Variants in CDH4 observed in about 807,000 individuals in gnomAD.
CDH4 encodes cadherin-4.
Under a neutral mutation model 86.0 loss-of-function variants are expected in CDH4, and 33 were observed. The observed-to-expected ratio is 0.38, with a 90% confidence interval of 0.29 to 0.51. CDH4 has a LOEUF of 0.51. Ranked by LOEUF, CDH4 falls within the 20% of genes least tolerant of loss-of-function variation. CDH4 has a pLI of 0.86. For synonymous variants in CDH4, 555 were observed against 549.4 expected (o/e 1.01, Z -0.14); for missense variants, 1,114 against 1,307.4 (o/e 0.85, Z 2.28).
At chr20:61,472,319 C>G (rs1195163059) in intron 2 of CDH4, among the ~76,000 whole-genome samples, 1 of 152,174 alleles carries the variant, frequency 6.6e-6, no homozygotes, top group Non-Finnish European at 1.5e-5. Flanking sequence ...ATAAGTGTAG[C>G]TACTCTTGCT....
intron 4 of CDH4, among the ~76,000 whole-genome samples, chr20:61,834,341 C>T (rs968279650): frequency 5.3e-5 from 8 of 152,210 alleles, no homozygotes; most frequent in Non-Finnish European, 8.8e-5. Flanking sequence ...GGTCTGGCCT[C>T]CATCTTTTCT....
At chr20:61,911,645 C>CGT (rs1568883129) in intron 9 of CDH4, among the ~76,000 whole-genome samples, 3 of 151,464 alleles carry the variant, frequency 2.0e-5, no homozygotes, top group African/African-American at 7.3e-5. Context: ...TATGCCAAAG[C>CGT]ATAAGGAAAA....
At position 61,252,933 on chromosome 20, in the gene CDH4, T is replaced by G. The variant is rs1233312727; in HGVS notation, c.57+363T>G. 1.3e-5 allele frequency among the ~76,000 whole-genome samples: 2 copies of G among 151,566 alleles called. No homozygotes were observed. Among genetic ancestry groups the G allele is most frequent in the Non-Finnish European group, 2.9e-5 (2 of 67,824 alleles). On this transcript the variant is annotated intron_variant, in intron 1 of 15. Transcript: ENST00000614565. The surrounding 1 kb of genome is among the most constrained non-coding windows in gnomAD (Gnocchi z 4.4). ...TTCCACTGGCGGAGCCGGCGCGCCC[T>G]CCATCGCCCGGGAGCCGCGCGCCGC... is the stretch of plus-strand genomic sequence containing the variant.
rs371764682 is a variant in CDH4 at position 61,877,144 on chromosome 20, C to T, written c.1050+3244C>T. ...GTCAAGGCCCGTGATAGGGACAGTG[C>T]CCAGCCTCCTGGGCTCAGCTCCCCC... On this transcript the variant is annotated intron_variant, in intron 7 of 15. Transcript: ENST00000614565. Among the ~76,000 whole-genome samples the T allele has an allele frequency of 1.1e-4, 16 of 152,284 alleles. No homozygotes were observed. In the South Asian group the frequency reaches 3.3e-3, roughly 32 times the overall value.
chr20:61,279,592 A>G (rs894593612), intron 2 of CDH4, among the ~76,000 whole-genome samples: 4 of 152,232 alleles, frequency 2.6e-5, no homozygotes, highest in Admixed American at 2.0e-4. Flanking sequence ...GGTCACCCTC[A>G]GTGTCCCCAG....
chr20:61,763,569 C>T (rs2088663635), intron 3 of CDH4, among the ~76,000 whole-genome samples: 1 of 152,214 alleles, frequency 6.6e-6, no homozygotes, highest in Admixed American at 6.5e-5. Context: ...CTATCTGCAT[C>T]TCTACCACAA....
rs374554829 is a variant in CDH4 at position 61,590,618 on chromosome 20, G to A, written c.170-152945G>A. ...GAGGAGAGGGGGCTGGACAGGGCCTGGAACCTTCCCTCTGCCAGGCTCTGA... is the reference window on the plus strand; with the variant it reads ...GAGGAGAGGGGGCTGGACAGGGCCTAGAACCTTCCCTCTGCCAGGCTCTGA... On this transcript the variant is annotated intron_variant, in intron 2 of 15. Coordinates refer to ENST00000614565, the MANE Select transcript of CDH4 (RefSeq NM_001794.5). Among the ~76,000 whole-genome samples, 12 of 152,328 alleles carry A rather than the reference G, an allele frequency of 7.9e-5. No individual in the cohort carries two copies. The East Asian group carries it at 9.7e-4, about 12-fold the overall frequency.
At chr20:61,446,003 T>C (rs1472145075) in intron 2 of CDH4, among the ~76,000 whole-genome samples, 2 of 152,342 alleles carry the variant, frequency 1.3e-5, no homozygotes, top group East Asian at 1.9e-4. Context: ...CACATGGCAG[T>C]GAAACTGAAA....
intron 8 of CDH4, among the ~76,000 whole-genome samples, chr20:61,903,877 G>A (rs552127227): frequency 4.9e-4 from 74 of 152,332 alleles, no homozygotes; most frequent in Middle Eastern, 3.4e-3. Flanking sequence ...GTTTCCCTGG[G>A]GTTGTCACCA....
At chr20:61,602,944 C>T (rs2086614316) in intron 2 of CDH4, among the ~76,000 whole-genome samples, 1 of 152,190 alleles carries the variant, frequency 6.6e-6, no homozygotes, top group Non-Finnish European at 1.5e-5. Context: ...ACCTGAGGCC[C>T]CCTCCCTGGA....
intron 2 of CDH4, among the ~76,000 whole-genome samples, chr20:61,307,814 G>T (rs1320334701): frequency 6.6e-6 from 1 of 152,208 alleles, no homozygotes; most frequent in Admixed American, 6.5e-5. Flanking sequence ...GCATGGGAAG[G>T]TGTAAGGGAT....
intron 4 of CDH4, among the ~76,000 whole-genome samples, chr20:61,839,591 G>A (rs1039005296): frequency 5.3e-5 from 8 of 151,456 alleles, no homozygotes; most frequent in Admixed American, 1.3e-4. Context: ...ACGTGTGTAT[G>A]TGTATTGAGT....
intron 12 of CDH4, 134 bp from the exon 13 acceptor site, chr20:61,929,475 A>C (rs928003610): frequency 2.3e-5 from 15 of 658,936 alleles, no homozygotes; most frequent in African/African-American, 2.2e-4. Flanking sequence ...GCACAGGTGT[A>C]TGTATGTATG....
At chr20:61,519,947 G>T (rs1215610387) in intron 2 of CDH4, among the ~76,000 whole-genome samples, 1 of 152,150 alleles carries the variant, frequency 6.6e-6, no homozygotes. Context: ...CAACTGCTGG[G>T]CCACATGGGC....
intron 3 of CDH4, among the ~76,000 whole-genome samples, chr20:61,750,137 G>T (rs890070267): frequency 4.6e-5 from 7 of 152,044 alleles, no homozygotes; most frequent in African/African-American, 1.7e-4. Flanking sequence ...GAGACCCAAA[G>T]TCTAAAGAAA....
At chr20:61,877,355 T>C (rs979477229) in intron 7 of CDH4, among the ~76,000 whole-genome samples, 1 of 134,506 alleles carries the variant, frequency 7.4e-6, no homozygotes, top group Admixed American at 7.3e-5. Context: ...CACAGAGCGG[T>C]ACCCACCCCC....
At chr20:61,386,720 A>T (rs570226090) in intron 2 of CDH4, among the ~76,000 whole-genome samples, 2 of 152,334 alleles carry the variant, frequency 1.3e-5, no homozygotes, top group Non-Finnish European at 2.9e-5. Flanking sequence ...GCAGGAGAGT[A>T]TTGCCAAGCA....
chr20:61,462,615 C>G (rs1298122930), intron 2 of CDH4, among the ~76,000 whole-genome samples: 1 of 152,220 alleles, frequency 6.6e-6, no homozygotes, highest in African/African-American at 2.4e-5. Context: ...CTTTGTGCTC[C>G]CAGCTGCTCC....
chr20:61,565,824 G>A (rs1018619971), intron 2 of CDH4, among the ~76,000 whole-genome samples: 36 of 152,324 alleles, frequency 2.4e-4, no homozygotes, highest in Admixed American at 1.4e-3. Flanking sequence ...GGAGCCAGCC[G>A]AGGCTACATG....
Sources: allele counts gnomAD v4.1 joint callset (sites outside exome capture counted in the v4.1 genomes callset), GRCh38; gene constraint gnomAD v4.1.1; non-coding constraint Gnocchi (gnomAD v3.1); transcripts MANE v1.5; gene names NCBI Gene and HGNC (gene_info 2026-07-23, HGNC 2026-07-21).